The following TRRAP variants were observed in gnomAD, a reference collection of about 807,000 sequenced individuals.
TRRAP encodes the protein transformation/transcription domain associated protein.
A neutral mutation model predicts 438.8 loss-of-function variants in TRRAP; 41 were observed. That is an observed-to-expected ratio of 0.09 (90% CI 0.07 to 0.12). The LOEUF (loss-of-function observed/expected upper bound fraction) is 0.12, where lower values mean the gene tolerates loss of function less well. TRRAP is among the 10% of genes least tolerant of loss of function. The pLI is 1.00. For synonymous variants in TRRAP, 1,994 were observed against 1,962.9 expected (o/e 1.02, Z -0.42); for missense variants, 3,122 against 5,055.1 (o/e 0.62, Z 11.60).
chr7:98,932,895 G>A (rs1554413257), intron 26 of TRRAP, among the ~76,000 whole-genome samples: 1 of 151,904 alleles, frequency 6.6e-6, no homozygotes, highest in East Asian at 1.9e-4. Flanking sequence ...TTTATGACTT[G>A]AGATTTGCAA....
chr7:98,879,062 C>T (rs1461740572), intron 1 of TRRAP, among the ~76,000 whole-genome samples: 2 of 151,320 alleles, frequency 1.3e-5, no homozygotes, highest in African/African-American at 4.9e-5. Flanking sequence ...ACTCGTTAGG[C>T]CCGGCGCGGG....
At chr7:98,990,150 C>T (rs1204002777) in intron 63 of TRRAP, among the ~76,000 whole-genome samples, 4 of 152,168 alleles carry the variant, frequency 2.6e-5, no homozygotes, top group Non-Finnish European at 5.9e-5. Flanking sequence ...ATTGCTTGAA[C>T]CCGGGAGGTG....
intron 47 of TRRAP, among the ~76,000 whole-genome samples, chr7:98,964,080 TAAAA>T (rs532793958): frequency 8.4e-6 from 1 of 118,788 alleles, no homozygotes. Flanking sequence ...GACTCGACAT[TAAAA>T]AAAAAAAAAA....
chr7:98,910,266 C>T lies in TRRAP; in HGVS notation c.1561C>T (p.Pro521Ser), dbSNP rs1554408501. Residue 521 changes from proline to serine, a missense_variant, in exon 15 of 73, where the codon CCG becomes TCG. Transcript: ENST00000456197. ...ACCCCCACCTGCCACCCCTGTGACC[C>T]CGGCCCCCGTGCCTCCCTTCGAGAA... ...PPPPPATPVT[P>S]APVPPFEKQG... The T allele has an allele frequency of 6.3e-7, 1 of 1,592,390 alleles. No individual in the cohort carries two copies. The highest frequency in any genetic ancestry group is 1.7e-5 in the Admixed American group (1 of 58,984).
At chr7:98,952,699 G>A (rs112465679) in intron 39 of TRRAP, among the ~76,000 whole-genome samples, 4 of 152,186 alleles carry the variant, frequency 2.6e-5, no homozygotes, top group African/African-American at 7.2e-5. Context: ...GAAGGGGAAC[G>A]GGGGAAGGTG....
At chr7:98,942,560 G>A (rs893468042) in intron 30 of TRRAP, among the ~76,000 whole-genome samples, 1 of 152,150 alleles carries the variant, frequency 6.6e-6, no homozygotes, top group Admixed American at 6.5e-5. Flanking sequence ...ATCAGACCAC[G>A]GGCTCCGCAA....
At chr7:98,997,853 A>G (rs1381403262) in intron 67 of TRRAP, among the ~76,000 whole-genome samples, 1 of 152,214 alleles carries the variant, frequency 6.6e-6, no homozygotes, top group Non-Finnish European at 1.5e-5. Flanking sequence ...TAAATTCTAG[A>G]TTTGGCCTGA....
Position 98,910,217 on chromosome 7 carries a change from T to TCCCCCCCCCCCCCCCCCCCCCCCCCCCC in TRRAP, c.1512_1513insCCCCCCCCCCCCCCCCCCCCCCCCCCCC (p.Ala505ProfsTer77). 1 of 1,045,586 alleles carries TCCCCCCCCCCCCCCCCCCCCCCCCCCCC rather than the reference T, an allele frequency of 9.6e-7. No homozygotes were observed. The allele number at this position is 1,045,586 out of a possible 1,614,324, so 64.8% of individuals were successfully genotyped here. On this transcript the variant is annotated frameshift_variant, in exon 15 of 73. Transcript: ENST00000456197. LOFTEE classifies it high-confidence loss of function. ...CTGCTCCCTCCCCAGCCCCTGTCCCTGCCCCACCTCCACCCCCGCCCCCAC... is the reference window on the plus strand; with the variant it reads ...CTGCTCCCTCCCCAGCCCCTGTCCCTCCCCCCCCCCCCCCCCCCCCCCCCCCCCGCCCCACCTCCACCCCCGCCCCCAC...
intron 21 of TRRAP, among the ~76,000 whole-genome samples, chr7:98,924,785 C>T (rs552411831): frequency 6.8e-6 from 1 of 146,004 alleles, no homozygotes; most frequent in Non-Finnish European, 1.5e-5. Flanking sequence ...GGGCAGATCA[C>T]GAGGTCAGGA....
chr7:98,999,022 G>A (rs1436695753), intron 67 of TRRAP: 4 of 741,364 alleles, frequency 5.4e-6, no homozygotes, highest in Non-Finnish European at 9.0e-6. Context: ...CACCACATCT[G>A]CCACCAGCTC....
intron 22 of TRRAP, among the ~76,000 whole-genome samples, chr7:98,925,516 A>G (rs1554411412): frequency 1.3e-5 from 2 of 152,160 alleles, no homozygotes. Flanking sequence ...TTAGTTTGTA[A>G]GTGTGAAGAA....
At position 98,978,769 on chromosome 7, in the gene TRRAP, A is replaced by G. The variant is rs754340180; in HGVS notation, c.8499A>G (p.Arg2833=). Residue 2833 remains arginine (R), a splice_region_variant and synonymous_variant, in exon 58 of 73, where the codon CGA becomes CGG. Transcript: ENST00000456197. Reference sequence around the variant, plus strand: ...TGCTCTGGGATCTGTGGTCTTCTAGATGCTCCAAGGAATTGAACCAGTGGG... The same window carrying G: ...TGCTCTGGGATCTGTGGTCTTCTAGGTGCTCCAAGGAATTGAACCAGTGGG... ...EYQLWEDHWI[R]CSKELNQWEA... The G allele has an allele frequency of 1.9e-6, 3 of 1,614,032 alleles. No individual in the cohort carries two copies. The highest frequency in any genetic ancestry group is 3.3e-5 in the Admixed American group (2 of 60,006).
chr7:98,947,211 G>A (rs1487527745), intron 33 of TRRAP, among the ~76,000 whole-genome samples: 1 of 152,196 alleles, frequency 6.6e-6, no homozygotes, highest in African/African-American at 2.4e-5. Flanking sequence ...AGAAGGGAAA[G>A]CTGGAGCAAC....
chr7:98,950,006 C>G, intron 37 of TRRAP, 58 bp from the exon 38 acceptor site: 1 of 1,605,042 alleles, frequency 6.2e-7, no homozygotes, highest in Non-Finnish European at 8.5e-7. Flanking sequence ...AAGTCAGAGG[C>G]GTAGTTGTTA....
intron 61 of TRRAP, 140 bp from the exon 62 acceptor site, chr7:98,984,804 A>G (rs961872453): frequency 5.6e-5 from 30 of 539,156 alleles, no homozygotes; most frequent in African/African-American, 4.9e-4. Context: ...ATAAATATTC[A>G]TGGTAGGCAA....
At chr7:99,003,679 G>A (rs1043062479) in intron 67 of TRRAP, among the ~76,000 whole-genome samples, 6 of 152,218 alleles carry the variant, frequency 3.9e-5, no homozygotes, top group East Asian at 1.9e-4. Context: ...TCCTCTCCAC[G>A]CGGTGGGAGG....
rs1490296066 is a variant in TRRAP at position 98,993,704 on chromosome 7, G to C, written c.10014G>C (p.Gln3338His). Reference protein sequence around the residue: ...LLSSLEGIVDQMVWFRENWHE... With the variant: ...LLSSLEGIVDHMVWFRENWHE... ...CTTCCCTGGAAGGCATCGTCGATCA[G>C]ATGGTCTGGTTCAGAGAAAATTGGC... Residue 3338 changes from glutamine to histidine, a missense_variant, in exon 66 of 73, where the codon CAG becomes CAC. By Grantham distance (24) the Gln-to-His change is conservative. Coordinates refer to ENST00000456197, the MANE Select transcript of TRRAP (RefSeq NM_001375524.1). 6.2e-7 allele frequency: 1 copy of C among 1,614,128 alleles called. No individual in the cohort carries two copies. The highest frequency in any genetic ancestry group is 1.3e-5 in the African/African-American group (1 of 74,938).
At position 98,962,339 on chromosome 7, in the gene TRRAP, G is replaced by A. The variant is rs969389229; in HGVS notation, c.6741G>A (p.Glu2247=). 3.1e-6 allele frequency: 5 copies of A among 1,614,088 alleles called. No homozygotes were observed. In the African/African-American group the frequency reaches 6.7e-5, roughly 22 times the overall value. ...TGGCCTCCAAATATGAAGAGCTGGA[G>A]TGCCTCTACGCAGCCGTCGGAAAGG... ...SSVASKYEEL[E]CLYAAVGKVI... is the part of the protein sequence containing the mutation. The change falls in exon 47 of 73, where the codon GAG becomes GAA. Residue 2247 remains glutamate (E), a synonymous_variant. Coordinates refer to ENST00000456197, the MANE Select transcript of TRRAP (RefSeq NM_001375524.1).
rs1179977462 is a variant in TRRAP, at chr7:99,011,753, TC to T, written c.11337+219del. On this transcript the variant is annotated intron_variant, in intron 72 of 72. Coordinates refer to ENST00000456197, the MANE Select transcript of TRRAP (RefSeq NM_001375524.1). The surrounding 1 kb of genome is among the most constrained non-coding windows in gnomAD (Gnocchi z 7.1). Reference sequence around the variant, plus strand: ...TGCTTGGAACGGGCCTGCCTGACACTCGGCAGATGCCGGAAGGTGTCAAGTG... The same window carrying T: ...TGCTTGGAACGGGCCTGCCTGACACTGGCAGATGCCGGAAGGTGTCAAGTG... Among the ~76,000 whole-genome samples, 2 of 152,270 alleles carry T rather than the reference TC, an allele frequency of 1.3e-5. No homozygotes were observed. The highest frequency in any genetic ancestry group is 4.8e-5 in the African/African-American group (2 of 41,464).
Sources: allele counts gnomAD v4.1 joint callset (sites outside exome capture counted in the v4.1 genomes callset), GRCh38; gene constraint gnomAD v4.1.1; non-coding constraint Gnocchi (gnomAD v3.1); transcripts MANE v1.5; gene names NCBI Gene and HGNC (gene_info 2026-07-23, HGNC 2026-07-21).